The following KHDRBS2 variants were observed in gnomAD, a reference collection of about 807,000 sequenced individuals.
KHDRBS2 encodes KH RNA binding domain containing, signal transduction associated 2.
A neutral mutation model predicts 44.3 loss-of-function variants in KHDRBS2; 26 were observed. The ratio of observed to expected loss-of-function variants is 0.59; its 90% CI spans 0.43 to 0.81. The LOEUF (loss-of-function observed/expected upper bound fraction) is 0.81. KHDRBS2 is among the 40% of genes least tolerant of loss of function. KHDRBS2 has a pLI of 0.00. For missense variants in KHDRBS2, 476 were observed against 433.1 expected (o/e 1.10, Z -0.88); for synonymous variants, 194 against 151.1 (o/e 1.28, Z -2.08).
the KHDRBS2 span, among the ~76,000 whole-genome samples, chr6:61,615,682 C>T: frequency 3.9e-5 from 6 of 152,104 alleles, no homozygotes; most frequent in African/African-American, 1.2e-4. Context: ...GCCAACATGA[C>T]GTTCAAAAGA....
intron 1 of KHDRBS2, among the ~76,000 whole-genome samples, chr6:62,278,321 A>C (rs1561907201): frequency 6.6e-6 from 1 of 152,136 alleles, no homozygotes; most frequent in Non-Finnish European, 1.5e-5. Context: ...TCCAAACCTC[A>C]CTTCCTCCCC....
intron 7 of KHDRBS2, among the ~76,000 whole-genome samples, chr6:61,715,222 T>C (rs184158901): frequency 1.4e-4 from 22 of 151,944 alleles, no homozygotes; most frequent in Admixed American, 1.2e-3. Flanking sequence ...AAAAAAAGGA[T>C]GGAATGGCAA....
At chr6:62,220,138 C>G (rs920596394) in intron 1 of KHDRBS2, among the ~76,000 whole-genome samples, 1 of 151,410 alleles carries the variant, frequency 6.6e-6, no homozygotes, top group Non-Finnish European at 1.5e-5. Flanking sequence ...GAATGATGTT[C>G]TCAAATATTC....
At position 61,870,648 on chromosome 6, in the gene KHDRBS2, C is replaced by A. The variant is rs149012520; in HGVS notation, c.810+23987G>T. ...ATCTCTGGCGGGCATCTGGCAGGTGCCCCTCTGGGACGAAGCTCCCAGAGG... is the reference window on the plus strand; with the variant it reads ...ATCTCTGGCGGGCATCTGGCAGGTGACCCTCTGGGACGAAGCTCCCAGAGG... On this transcript the variant is annotated intron_variant, in intron 6 of 8. Transcript: ENST00000281156. 2.5e-3 allele frequency among the ~76,000 whole-genome samples: 378 copies of A among 152,248 alleles called. 1 individual carries two copies. The highest frequency in any genetic ancestry group is 8.4e-3 in the Admixed American group (129 of 15,302).
intron 2 of KHDRBS2, among the ~76,000 whole-genome samples, chr6:62,057,543 A>G (rs541344618): frequency 1.4e-4 from 21 of 151,930 alleles, no homozygotes; most frequent in Non-Finnish European, 2.4e-4. Flanking sequence ...TGACAGGTGA[A>G]TTATCAGTTC....
In KHDRBS2 at chr6:62,201,596, A is replaced by G. The variant is rs1470245077; in HGVS notation, c.92-24284T>C. ...AAGACAGTGAGCTACAGGTAGAAAA[A>G]TACATGCTTCTTACAAAACTAATTT... On this transcript the variant is annotated intron_variant, in intron 1 of 8. Coordinates refer to ENST00000281156, the MANE Select transcript of KHDRBS2 (RefSeq NM_152688.4). 2.6e-5 allele frequency among the ~76,000 whole-genome samples: 4 copies of G among 152,124 alleles called. No homozygotes were observed. In the East Asian group the frequency reaches 7.7e-4, roughly 29 times the overall value.
intron 2 of KHDRBS2, among the ~76,000 whole-genome samples, chr6:62,125,224 G>A (rs370621705): frequency 6.6e-6 from 1 of 152,182 alleles, no homozygotes. Flanking sequence ...GAGGAAGAGG[G>A]CAGTGATTAT....
At chr6:61,543,805 T>C in the KHDRBS2 span, among the ~76,000 whole-genome samples, 8 of 152,034 alleles carry the variant, frequency 5.3e-5, no homozygotes, top group Non-Finnish European at 7.4e-5. Context: ...TGCAATACCA[T>C]GGATGGAGCT....
intron 2 of KHDRBS2, among the ~76,000 whole-genome samples, chr6:62,111,268 T>C (rs1308752805): frequency 6.6e-6 from 1 of 152,136 alleles, no homozygotes; most frequent in African/African-American, 2.4e-5. Flanking sequence ...GATAACAATA[T>C]TCAAATATGC....
intron 6 of KHDRBS2, among the ~76,000 whole-genome samples, chr6:61,818,469 C>T (rs1367667170): frequency 6.6e-6 from 1 of 151,926 alleles, no homozygotes; most frequent in Non-Finnish European, 1.5e-5. Context: ...CTCTGACAGA[C>T]TTAAGGAAGT....
rs546402395 is a variant in KHDRBS2, at chr6:61,733,789, A to C, written c.811-1025T>G. On this transcript the variant is annotated intron_variant, in intron 6 of 8. Coordinates refer to ENST00000281156, the MANE Select transcript of KHDRBS2 (RefSeq NM_152688.4). ...AGTTATCAATCACTCTGAATGATTTAGTTTTGTTTCTCTTTGTGGTCATTA... is the reference window on the plus strand; with the variant it reads ...AGTTATCAATCACTCTGAATGATTTCGTTTTGTTTCTCTTTGTGGTCATTA... 1.2e-4 allele frequency among the ~76,000 whole-genome samples: 18 copies of C among 152,246 alleles called. 1 individual carries two copies. In the South Asian group the frequency reaches 3.7e-3, roughly 32 times the overall value.
At chr6:62,022,809 C>T (rs535732856) in intron 3 of KHDRBS2, among the ~76,000 whole-genome samples, 6 of 151,646 alleles carry the variant, frequency 4.0e-5, no homozygotes, top group African/African-American at 7.2e-5. Context: ...TTTTCTCTTA[C>T]GAGTTAATAT....
intron 1 of KHDRBS2, among the ~76,000 whole-genome samples, chr6:62,269,156 A>G (rs1319057659): frequency 6.6e-6 from 1 of 152,110 alleles, no homozygotes. Context: ...TTCTAGAAGA[A>G]AATATTGAGA....
At chr6:61,856,549 C>CT (rs368682594) in intron 6 of KHDRBS2, among the ~76,000 whole-genome samples, 111 of 146,856 alleles carry the variant, frequency 7.6e-4, no homozygotes, top group South Asian at 5.6e-3. Context: ...ATTATGATTG[C>CT]TTTTTTTTTT....
rs1185291089 is a variant in KHDRBS2, at chr6:61,848,497, A to G, written c.810+46138T>C. ...TATATATATATATATATATGTATAT[A>G]TATATATATATATGTATATATGTAT... On this transcript the variant is annotated intron_variant, in intron 6 of 8. Coordinates refer to ENST00000281156, the MANE Select transcript of KHDRBS2 (RefSeq NM_152688.4). Among the ~76,000 whole-genome samples, 36 of 59,200 alleles carry G rather than the reference A, an allele frequency of 6.1e-4. 1 individual carries two copies. Among genetic ancestry groups the G allele is most frequent in the African/African-American group, 2.8e-3 (29 of 10,538 alleles). 38.8% of individuals were successfully genotyped at this position (59,200 alleles called of 152,430 possible).
intron 7 of KHDRBS2, among the ~76,000 whole-genome samples, chr6:61,719,075 G>A (rs1253613556): frequency 6.6e-6 from 1 of 152,088 alleles, no homozygotes; most frequent in Non-Finnish European, 1.5e-5. Flanking sequence ...TCCACAGAAG[G>A]GAGGCTTCTT....
intron 1 of KHDRBS2, among the ~76,000 whole-genome samples, chr6:62,232,505 C>A (rs562070716): frequency 1.3e-5 from 2 of 152,100 alleles, no homozygotes; most frequent in South Asian, 4.2e-4. Context: ...CCAGTCACTT[C>A]CCCAATGGAA....
intron 2 of KHDRBS2, among the ~76,000 whole-genome samples, chr6:62,116,174 C>T (rs531186013): frequency 1.3e-5 from 2 of 152,170 alleles, no homozygotes; most frequent in South Asian, 4.1e-4. Context: ...AGATCCATTA[C>T]CCCAAATATG....
chr6:61,577,084 T>C, the KHDRBS2 span, among the ~76,000 whole-genome samples: 1 of 152,190 alleles, frequency 6.6e-6, no homozygotes, highest in East Asian at 1.9e-4. Context: ...CCTCTTATGA[T>C]ACCTGGTAGT....
Sources: allele counts gnomAD v4.1 joint callset (sites outside exome capture counted in the v4.1 genomes callset), GRCh38; gene constraint gnomAD v4.1.1; transcripts MANE v1.5; gene names NCBI Gene and HGNC (gene_info 2026-07-23, HGNC 2026-07-21).